THADA: variants seen among roughly 807,000 people sequenced by gnomAD.
THADA encodes the protein THADA armadillo repeat containing, also known as tRNA (32-2'-O)-methyltransferase regulator THADA.
Under a neutral mutation model 219.8 loss-of-function variants are expected in THADA, and 213 were observed. The observed-to-expected ratio is 0.97, with a 90% CI of 0.87 to 1.09. THADA has a LOEUF of 1.09. Ranked by LOEUF, THADA falls within the 50% of genes least tolerant of loss-of-function variation. The probability of loss-of-function intolerance (pLI) is 0.00; values close to 1 mark genes in which losing one functional copy is unlikely to be tolerated. For synonymous variants in THADA, 1,018 were observed against 828.9 expected (o/e 1.23, Z -3.92); for missense variants, 2,956 against 2,311.3 (o/e 1.28, Z -5.72).
chr2:43,549,953 C>T (rs1390545873), intron 19 of THADA, among the ~76,000 whole-genome samples: 2 of 150,678 alleles, frequency 1.3e-5, no homozygotes, highest in African/African-American at 4.9e-5. Flanking sequence ...GTAACGACTC[C>T]ACAACTTTGA....
chr2:43,268,090 C>T (rs1360794810), intron 36 of THADA, among the ~76,000 whole-genome samples: 1 of 152,184 alleles, frequency 6.6e-6, no homozygotes, highest in East Asian at 1.9e-4. Flanking sequence ...TTTTGATTCC[C>T]ACCTGCTGTT....
At chr2:43,267,470 TC>T (rs1671650933) in intron 36 of THADA, among the ~76,000 whole-genome samples, 1 of 152,194 alleles carries the variant, frequency 6.6e-6, no homozygotes, top group Admixed American at 6.5e-5. Context: ...CAAAACCCAG[TC>T]TTTCCCCCTT....
intron 34 of THADA, 110 bp from the exon 35 acceptor site, chr2:43,287,171 A>T (rs1048031925): frequency 5.2e-6 from 5 of 960,132 alleles, no homozygotes; most frequent in Admixed American, 2.9e-5. Flanking sequence ...TCTTAGCTCA[A>T]TGGGAAGAAA....
chr2:43,472,856 A>C (rs538304988), intron 26 of THADA, among the ~76,000 whole-genome samples: 1 of 152,206 alleles, frequency 6.6e-6, no homozygotes, highest in Non-Finnish European at 1.5e-5. Context: ...CTAACACAGT[A>C]AGTATATGTG....
At chr2:43,396,459 C>T (rs371571036) in intron 29 of THADA, among the ~76,000 whole-genome samples, 5 of 152,194 alleles carry the variant, frequency 3.3e-5, no homozygotes, top group South Asian at 2.1e-4. Flanking sequence ...GCTGCTATTG[C>T]GACTGTGACA....
intron 31 of THADA, among the ~76,000 whole-genome samples, chr2:43,312,221 AAAAG>A (rs1209251890): frequency 6.6e-6 from 1 of 151,966 alleles, no homozygotes; most frequent in East Asian, 1.9e-4. Flanking sequence ...AAAAAAAAAA[AAAAG>A]AAATCACAGA....
chr2:43,354,115 C>T (rs1668604562), intron 29 of THADA, among the ~76,000 whole-genome samples: 1 of 152,030 alleles, frequency 6.6e-6, no homozygotes, highest in African/African-American at 2.4e-5. Context: ...GCCACTGCGC[C>T]CGGCCAATTT....
rs753440650 is a variant in THADA at position 43,320,499 on chromosome 2, A to G, written c.4385T>C (p.Ile1462Thr). The change falls in exon 31 of 38, where the codon ATT becomes ACT. Residue 1462 changes from isoleucine to threonine, a missense_variant. Ile to Thr is a moderately conservative substitution (Grantham distance 89). Coordinates refer to ENST00000405975, the MANE Select transcript of THADA (RefSeq NM_022065.5). Reference sequence around the variant, plus strand: ...GAGGCAGCAAGTCAATAGGAAGAGAATATCAATATATACAGCTCTGGTCAC... The same window carrying G: ...GAGGCAGCAAGTCAATAGGAAGAGAGTATCAATATATACAGCTCTGGTCAC... ...CLVTRAVYID[I>T]LFLLTCCLNR... 10 of 1,613,676 alleles carry G rather than the reference A, an allele frequency of 6.2e-6. No individual in the cohort carries two copies. Among genetic ancestry groups the G allele is most frequent in the South Asian group, 1.1e-5 (1 of 91,048 alleles).
chr2:43,309,320 C>T (rs1301450765), intron 31 of THADA, among the ~76,000 whole-genome samples: 5 of 152,148 alleles, frequency 3.3e-5, no homozygotes, highest in African/African-American at 4.8e-5. Context: ...TCATATGATC[C>T]AGTAACCCCT....
At chr2:43,285,138 C>A (rs1673834947) in intron 35 of THADA, among the ~76,000 whole-genome samples, 1 of 152,106 alleles carries the variant, frequency 6.6e-6, no homozygotes, top group Admixed American at 6.5e-5. Flanking sequence ...TGAGCTGATG[C>A]TGAAATGAGC....
At chr2:43,522,193 T>C (rs1692578141) in intron 22 of THADA, among the ~76,000 whole-genome samples, 1 of 152,186 alleles carries the variant, frequency 6.6e-6, no homozygotes, top group Non-Finnish European at 1.5e-5. Flanking sequence ...ATATTTTAAA[T>C]AGGAACACAA....
At chr2:43,363,209 T>C (rs1669729128) in intron 29 of THADA, among the ~76,000 whole-genome samples, 1 of 152,232 alleles carries the variant, frequency 6.6e-6, no homozygotes, top group Admixed American at 6.5e-5. Context: ...TTATCGAGTA[T>C]TATGTGTTGT....
intron 36 of THADA, 170 bp from the exon 37 acceptor site, chr2:43,233,052 CCTGCTATTTATA>C (rs1667625695): frequency 1.5e-6 from 1 of 657,046 alleles, no homozygotes; most frequent in Non-Finnish European, 2.6e-6. Context: ...CCTTCTGAAT[CCTGCTATTTATA>C]CTGTTAGAAT....
intron 17 of THADA, among the ~76,000 whole-genome samples, chr2:43,553,440 G>C (rs1009776861): frequency 3.3e-5 from 5 of 152,162 alleles, no homozygotes; most frequent in African/African-American, 9.7e-5. Context: ...ACAAAGGCCA[G>C]AGCTTGCTCT....
intron 30 of THADA, among the ~76,000 whole-genome samples, chr2:43,322,511 A>C (rs996976062): frequency 6.6e-6 from 1 of 150,948 alleles, no homozygotes; most frequent in Non-Finnish European, 1.5e-5. Flanking sequence ...CTCAAAAATA[A>C]ATAAATAAAT....
intron 26 of THADA, among the ~76,000 whole-genome samples, chr2:43,474,215 G>T (rs1685246111): frequency 6.6e-6 from 1 of 152,200 alleles, no homozygotes; most frequent in Admixed American, 6.5e-5. Flanking sequence ...AGAAATAGAT[G>T]ACATTTTCTC....
chr2:43,314,135 A>G (rs1477391869), intron 31 of THADA, among the ~76,000 whole-genome samples: 1 of 152,178 alleles, frequency 6.6e-6, no homozygotes, highest in Non-Finnish European at 1.5e-5. Context: ...TCCTATCCAT[A>G]TTTCAGGGGT....
At chr2:43,451,127 A>C (rs1682262443) in intron 26 of THADA, among the ~76,000 whole-genome samples, 2 of 152,196 alleles carry the variant, frequency 1.3e-5, no homozygotes. Context: ...TACCACAATA[A>C]AAAATATGCT....
chr2:43,450,589 T>C (rs755427971), intron 26 of THADA, among the ~76,000 whole-genome samples: 1 of 151,644 alleles, frequency 6.6e-6, no homozygotes, highest in African/African-American at 2.4e-5. Flanking sequence ...ATAAGGCATA[T>C]AGAAAACAAA....
Sources: allele counts gnomAD v4.1 joint callset (sites outside exome capture counted in the v4.1 genomes callset), GRCh38; gene constraint gnomAD v4.1.1; transcripts MANE v1.5; gene names NCBI Gene and HGNC (gene_info 2026-07-23, HGNC 2026-07-21).